Variants in FSIP1 observed in about 807,000 individuals in gnomAD.
FSIP1 encodes fibrous sheath-interacting protein 1.
In FSIP1, 65 loss-of-function variants were observed where a neutral mutation model predicts 60.9. The ratio of observed to expected loss-of-function variants is 1.07; its 90% CI spans 0.87 to 1.31. FSIP1 has a LOEUF of 1.31. Ranked by LOEUF, FSIP1 falls within the 40% of genes most tolerant of loss-of-function variation. The pLI, the probability that FSIP1 is intolerant of heterozygous loss-of-function variation, is 0.00. For missense variants in FSIP1, 675 were observed against 665.5 expected (o/e 1.01, Z -0.16); for synonymous variants, 209 against 221.2 (o/e 0.94, Z 0.49).
intron 10 of FSIP1, among the ~76,000 whole-genome samples, chr15:39,627,960 G>T (rs193284188): frequency 4.6e-5 from 7 of 152,206 alleles, no homozygotes; most frequent in African/African-American, 1.7e-4. Context: ...CGTGGGCCTG[G>T]AAGCACAGGG....
At chr15:39,741,697 A>G (rs1896805534) in intron 6 of FSIP1, 108 bp downstream of exon 6, 1 of 623,624 alleles carries the variant, frequency 1.6e-6, no homozygotes. Flanking sequence ...ACTTGCTTCC[A>G]CTTACCTTTG....
chr15:39,609,033 C>T (rs1018432619), intron 11 of FSIP1, among the ~76,000 whole-genome samples: 5 of 152,186 alleles, frequency 3.3e-5, no homozygotes, highest in African/African-American at 1.2e-4. Flanking sequence ...GGCAAACATT[C>T]AGCTTCCCCA....
intron 10 of FSIP1, among the ~76,000 whole-genome samples, chr15:39,674,060 T>C (rs945495090): frequency 1.3e-5 from 2 of 148,734 alleles, no homozygotes; most frequent in Admixed American, 6.6e-5. Flanking sequence ...ATTTAATTTT[T>C]TTTTTTTTTT....
At chr15:39,673,687 T>C (rs1477709787) in intron 10 of FSIP1, among the ~76,000 whole-genome samples, 1 of 152,206 alleles carries the variant, frequency 6.6e-6, no homozygotes, top group Non-Finnish European at 1.5e-5. Context: ...ATTTATATTT[T>C]ATGCATGTAT....
At chr15:39,731,639 T>C (rs894117605) in intron 8 of FSIP1, among the ~76,000 whole-genome samples, 1 of 152,204 alleles carries the variant, frequency 6.6e-6, no homozygotes, top group Non-Finnish European at 1.5e-5. Context: ...TTTTTCTATC[T>C]GTCTAGCACC....
intron 10 of FSIP1, among the ~76,000 whole-genome samples, chr15:39,623,394 G>T (rs1198331518): frequency 1.3e-5 from 2 of 152,098 alleles, no homozygotes; most frequent in Non-Finnish European, 2.9e-5. Context: ...CACTCCTAAA[G>T]ACCCACCCTA....
intron 1 of FSIP1, among the ~76,000 whole-genome samples, chr15:39,780,800 C>A (rs1380610760): frequency 6.6e-6 from 1 of 152,176 alleles, no homozygotes; most frequent in Non-Finnish European, 1.5e-5. Flanking sequence ...GTTGGCCAGG[C>A]TGGTCTCGAA....
chr15:39,639,959 G>C (rs1360131770), intron 10 of FSIP1, among the ~76,000 whole-genome samples: 1 of 152,150 alleles, frequency 6.6e-6, no homozygotes, highest in Admixed American at 6.5e-5. Context: ...CAAGAGCCAA[G>C]TTTGTCTTTG....
intron 5 of FSIP1, among the ~76,000 whole-genome samples, chr15:39,745,691 A>G (rs1327288689): frequency 6.6e-6 from 1 of 152,180 alleles, no homozygotes; most frequent in Non-Finnish European, 1.5e-5. Context: ...GATGGAGAGG[A>G]AACTGGAGTG....
intron 8 of FSIP1, among the ~76,000 whole-genome samples, chr15:39,731,745 T>C (rs181909719): frequency 6.6e-5 from 10 of 152,284 alleles, no homozygotes; most frequent in Admixed American, 6.5e-4. Context: ...GCAACCTTTA[T>C]AGCCAGGGTT....
At chr15:39,687,575 T>C (rs1894434603) in intron 10 of FSIP1, among the ~76,000 whole-genome samples, 1 of 152,222 alleles carries the variant, frequency 6.6e-6, no homozygotes, top group Admixed American at 6.5e-5. Flanking sequence ...TGGCACTTTG[T>C]ATCCACCTCT....
In FSIP1 at chr15:39,726,600, G is replaced by T; in HGVS notation, c.1039C>A (p.Arg347=). 8 of 1,613,952 alleles carry T rather than the reference G, an allele frequency of 5.0e-6. No homozygotes were observed. The highest frequency in any genetic ancestry group is 5.9e-6 in the Non-Finnish European group (7 of 1,179,940). The change falls in exon 9 of 12, where the codon CGG becomes AGG. Residue 347 remains arginine (R), a synonymous_variant. Coordinates refer to ENST00000350221, the MANE Select transcript of FSIP1 (RefSeq NM_152597.5). ...GGTTCTTCAAATACCTGATTATTCCGATTTTCAAGTCTTGGAGAAAAACTG... is the reference window on the plus strand; with the variant it reads ...GGTTCTTCAAATACCTGATTATTCCTATTTTCAAGTCTTGGAGAAAAACTG... ...ISSFSPRLEN[R]NNQKPDRDGE...
At chr15:39,726,926 T>C (rs1001501870) in intron 8 of FSIP1, among the ~76,000 whole-genome samples, 179 bp from the exon 9 acceptor site, 1 of 152,014 alleles carries the variant, frequency 6.6e-6, no homozygotes, top group Non-Finnish European at 1.5e-5. Flanking sequence ...TATGAAATAG[T>C]TTCTGGTTTT....
chr15:39,644,035 T>C (rs1369975288), intron 10 of FSIP1, among the ~76,000 whole-genome samples: 1 of 152,258 alleles, frequency 6.6e-6, no homozygotes, highest in African/African-American at 2.4e-5. Flanking sequence ...CAAACCTTGG[T>C]GACAGTAATT....
intron 5 of FSIP1, among the ~76,000 whole-genome samples, chr15:39,760,348 C>T (rs1897452278): frequency 6.6e-6 from 1 of 151,880 alleles, no homozygotes; most frequent in South Asian, 2.1e-4. Flanking sequence ...AGCATCTCCC[C>T]CAAGATATGT....
intron 2 of FSIP1, among the ~76,000 whole-genome samples, chr15:39,772,946 C>T (rs1419770514): frequency 6.6e-6 from 1 of 152,050 alleles, no homozygotes; most frequent in Non-Finnish European, 1.5e-5. Context: ...ATCTTAATCA[C>T]AGGAAACGCA....
intron 10 of FSIP1, among the ~76,000 whole-genome samples, chr15:39,678,454 A>T (rs901451511): frequency 6.6e-6 from 1 of 152,194 alleles, no homozygotes; most frequent in African/African-American, 2.4e-5. Flanking sequence ...TACTTTAAAA[A>T]TAGTCATGCA....
intron 10 of FSIP1, among the ~76,000 whole-genome samples, chr15:39,678,205 C>T (rs904701742): frequency 3.3e-5 from 5 of 151,740 alleles, no homozygotes; most frequent in African/African-American, 4.8e-5. Flanking sequence ...TAGAACTTAG[C>T]TGATATACTT....
downstream of FSIP1, chr15:39,599,392 A>G (rs1366942424): frequency 6.6e-6 from 1 of 152,144 alleles, no homozygotes; most frequent in Non-Finnish European, 1.5e-5. Flanking sequence ...AAGGCTCACT[A>G]TGTCCCAAAT....
Sources: allele counts gnomAD v4.1 joint callset (sites outside exome capture counted in the v4.1 genomes callset), GRCh38; gene constraint gnomAD v4.1.1; transcripts MANE v1.5; gene names NCBI Gene and HGNC (gene_info 2026-07-23, HGNC 2026-07-21).